UMAD1: variants seen among roughly 807,000 people sequenced by gnomAD.
UMAD1 encodes the protein UBAP1-MVB12-associated (UMA)-domain containing protein 1.
Under a neutral mutation model 6.1 loss-of-function variants are expected in UMAD1, and 8 were observed. The observed-to-expected ratio is 1.30, with a 90% CI of 0.76 to 2.35. The LOEUF is 2.35. Among genes scored for constraint, UMAD1 ranks in the 30% most tolerant of loss-of-function variants. The pLI is 0.00. For synonymous variants in UMAD1, 56 were observed against 31.4 expected (o/e 1.78, Z -2.61); for missense variants, 130 against 78.4 (o/e 1.66, Z -2.49).
At chr7:7,851,518 C>T (rs1783916909) in intron 3 of UMAD1, among the ~76,000 whole-genome samples, 1 of 152,152 alleles carries the variant, frequency 6.6e-6, no homozygotes, top group South Asian at 2.1e-4. Context: ...GCACTCCCAC[C>T]AGAAGTGTGG....
At chr7:7,785,268 C>T (rs1583823569) in intron 2 of UMAD1, among the ~76,000 whole-genome samples, 1 of 152,128 alleles carries the variant, frequency 6.6e-6, no homozygotes. Flanking sequence ...TTCATTTACT[C>T]ATTGAATATT....
chr7:7,798,773 G>A (rs917397555), intron 2 of UMAD1, among the ~76,000 whole-genome samples: 2 of 152,178 alleles, frequency 1.3e-5, no homozygotes, highest in Non-Finnish European at 2.9e-5. Context: ...TGCTCCCATT[G>A]TGACTGCTTT....
chr7:7,766,501 C>A (rs909834251), intron 2 of UMAD1, among the ~76,000 whole-genome samples: 1 of 152,140 alleles, frequency 6.6e-6, no homozygotes. Context: ...ACTCCCAAAG[C>A]CTTATAATTT....
chr7:7,850,344 ATACAT>A (rs539580497), intron 3 of UMAD1, among the ~76,000 whole-genome samples: 74 of 152,218 alleles, frequency 4.9e-4, no homozygotes, highest in Middle Eastern at 3.4e-3. Context: ...CAGCAATTTG[ATACAT>A]TACATCATCC....
At chr7:7,712,762 A>G (rs1780799189) in intron 2 of UMAD1, among the ~76,000 whole-genome samples, 1 of 152,196 alleles carries the variant, frequency 6.6e-6, no homozygotes, top group African/African-American at 2.4e-5. Flanking sequence ...TGTAAAAAGA[A>G]TGCTTATAAT....
intron 2 of UMAD1, among the ~76,000 whole-genome samples, chr7:7,727,515 T>C (rs1227383324): frequency 3.3e-5 from 5 of 152,180 alleles, no homozygotes. Flanking sequence ...TGATACTGAG[T>C]GTCAACTTGA....
At chr7:7,793,543 A>G (rs544684504) in intron 2 of UMAD1, among the ~76,000 whole-genome samples, 1 of 152,254 alleles carries the variant, frequency 6.6e-6, no homozygotes, top group South Asian at 2.1e-4. Context: ...ATTTTTAAGT[A>G]CTGGGGCTTT....
At chr7:7,642,469 A>AT (rs10595305) in intron 1 of UMAD1, among the ~76,000 whole-genome samples, 47 of 150,140 alleles carry the variant, frequency 3.1e-4, no homozygotes, top group South Asian at 2.7e-3. Flanking sequence ...TGTAATAGTG[A>AT]TTTTTTTTTT....
At chr7:7,689,756 A>C (rs1024387845) in intron 2 of UMAD1, among the ~76,000 whole-genome samples, 1 of 152,202 alleles carries the variant, frequency 6.6e-6, no homozygotes, top group Non-Finnish European at 1.5e-5. Flanking sequence ...AAATGAAATT[A>C]ATAGATTGTC....
At chr7:7,656,925 C>T (rs1214820638) in intron 1 of UMAD1, among the ~76,000 whole-genome samples, 2 of 152,208 alleles carry the variant, frequency 1.3e-5, no homozygotes, top group Non-Finnish European at 2.9e-5. Context: ...ATTTACACTT[C>T]CACCAACAGT....
intron 2 of UMAD1, 143 bp from the exon 3 acceptor site, chr7:7,801,527 G>A (rs369250069): frequency 8.6e-6 from 5 of 583,640 alleles, no homozygotes; most frequent in African/African-American, 5.6e-5. Context: ...AAGTTAGCTT[G>A]TTTACTTTGA....
At chr7:7,773,319 A>G (rs1415057287) in intron 2 of UMAD1, among the ~76,000 whole-genome samples, 5 of 152,256 alleles carry the variant, frequency 3.3e-5, no homozygotes, top group African/African-American at 1.2e-4. Flanking sequence ...ACCAGAAACC[A>G]TGAGAGGAGA....
intron 2 of UMAD1, among the ~76,000 whole-genome samples, chr7:7,737,138 T>C (rs1781375404): frequency 6.6e-6 from 1 of 152,366 alleles, no homozygotes; most frequent in African/African-American, 2.4e-5. Context: ...AAATTATATA[T>C]AATTTCTGTA....
intron 1 of UMAD1, among the ~76,000 whole-genome samples, chr7:7,646,480 A>ATTTTT (rs35948027): frequency 9.0e-6 from 1 of 111,358 alleles, no homozygotes. Context: ...CTTTCGCTGG[A>ATTTTT]TTTTTTTTTT....
intron 2 of UMAD1, among the ~76,000 whole-genome samples, chr7:7,741,580 A>ATAC (rs1781465528): frequency 1.1e-5 from 1 of 93,000 alleles, no homozygotes; most frequent in Non-Finnish European, 2.2e-5. Context: ...ACGTCTCAAA[A>ATAC]TAATAATAAT....
chr7:7,786,914 C>T (rs1026429395), intron 2 of UMAD1, among the ~76,000 whole-genome samples: 15 of 152,174 alleles, frequency 9.9e-5, no homozygotes, highest in South Asian at 8.3e-4. Context: ...TTGAGTGAAG[C>T]CGCTACTCTT....
intron 3 of UMAD1, among the ~76,000 whole-genome samples, chr7:7,860,818 G>GTCCTACA (rs1563267158): frequency 5.3e-5 from 8 of 150,902 alleles, no homozygotes; most frequent in Admixed American, 4.0e-4. Flanking sequence ...AATAATAATT[G>GTCCTACA]TCCTACATTA....
At chr7:7,668,694 A>G (rs1779530550) in intron 1 of UMAD1, among the ~76,000 whole-genome samples, 1 of 152,228 alleles carries the variant, frequency 6.6e-6, no homozygotes, top group Non-Finnish European at 1.5e-5. Context: ...ACCAACTTCT[A>G]AATAAAGATA....
chr7:7,784,950 G>C (rs1053798551), intron 2 of UMAD1, among the ~76,000 whole-genome samples: 1 of 151,988 alleles, frequency 6.6e-6, no homozygotes, highest in African/African-American at 2.4e-5. Flanking sequence ...TTTTAGTAGA[G>C]ACGGGGTTTC....
Sources: gnomAD v4.1 joint callset for allele counts (sites outside exome capture counted in the v4.1 genomes callset) on GRCh38, gnomAD v4.1.1 for gene constraint, MANE v1.5 for transcripts, NCBI Gene and HGNC (gene_info 2026-07-23, HGNC 2026-07-21) for gene names.